Variants in PCDHGB2 observed in about 807,000 individuals in gnomAD.
PCDHGB2 encodes protocadherin gamma-B2.
In PCDHGB2, 55 loss-of-function variants were observed where a neutral mutation model predicts 59.3. The observed-to-expected ratio is 0.93, with a 90% CI of 0.75 to 1.16. The LOEUF (loss-of-function observed/expected upper bound fraction) is 1.16, where lower values mean the gene tolerates loss of function less well. Among genes scored for constraint, PCDHGB2 ranks in the 50% most tolerant of loss-of-function variants. The pLI is 0.00. For missense variants in PCDHGB2, 1,228 were observed against 1,198.5 expected (o/e 1.02, Z -0.36); for synonymous variants, 516 against 512.0 (o/e 1.01, Z -0.11).
At chr5:141,389,823 G>C in intron 1 of PCDHGB2, 11 of 1,613,944 alleles carry the variant, frequency 6.8e-6, no homozygotes, top group Non-Finnish European at 6.8e-6. Flanking sequence ...CGTGCGTGAC[G>C]GTGGACAGCC....
intron 1 of PCDHGB2, among the ~76,000 whole-genome samples, chr5:141,482,866 G>A (rs768388750): frequency 2.7e-5 from 4 of 150,296 alleles, no homozygotes; most frequent in Non-Finnish European, 4.4e-5. Flanking sequence ...GAGGTCAGGA[G>A]TTTGAAACCA....
chr5:141,388,458 C>T, intron 1 of PCDHGB2: 1 of 1,613,696 alleles, frequency 6.2e-7, no homozygotes, highest in Non-Finnish European at 8.5e-7. Context: ...CAGTAAATAC[C>T]CTGAGATGGT....
intron 1 of PCDHGB2, among the ~76,000 whole-genome samples, chr5:141,452,054 C>A (rs578157525): frequency 6.4e-4 from 97 of 152,196 alleles, no homozygotes; most frequent in African/African-American, 2.2e-3. Flanking sequence ...TTTGTAATAA[C>A]TTATTCTACT....
At chr5:141,395,009 G>A (rs371216255) in intron 1 of PCDHGB2, 168 of 1,613,918 alleles carry the variant, frequency 1.0e-4, no homozygotes, top group Non-Finnish European at 1.4e-4. Flanking sequence ...GTGGCAGATT[G>A]GTAGGCGTGC....
chr5:141,419,730 G>A (rs747960969), intron 1 of PCDHGB2: 9 of 1,613,746 alleles, frequency 5.6e-6, no homozygotes, highest in Non-Finnish European at 7.6e-6. Context: ...CTGCGAACAG[G>A]CGAGGTGCGC....
At chr5:141,496,588 C>T (rs775641672) in intron 2 of PCDHGB2, among the ~76,000 whole-genome samples, 9 of 152,280 alleles carry the variant, frequency 5.9e-5, no homozygotes, top group Non-Finnish European at 1.0e-4. Context: ...GAACGCAAAG[C>T]GCTTCTTAGA....
At chr5:141,509,670 T>G (rs2099877782) in intron 3 of PCDHGB2, among the ~76,000 whole-genome samples, 1 of 152,136 alleles carries the variant, frequency 6.6e-6, no homozygotes, top group African/African-American at 2.4e-5. Flanking sequence ...TGGGCCCCAG[T>G]TTCTTCTTCT....
chr5:141,370,699 G>T, intron 1 of PCDHGB2: 3 of 1,613,804 alleles, frequency 1.9e-6, no homozygotes, highest in Non-Finnish European at 2.5e-6. Context: ...AAGTCGACGT[G>T]TGTTCTGGAA....
rs919375073 is a variant in PCDHGB2 at position 141,490,642 on chromosome 5, C to A, written c.2422-4165C>A. On this transcript the variant is annotated intron_variant, in intron 1 of 3. Coordinates refer to ENST00000522605, the MANE Select transcript of PCDHGB2 (RefSeq NM_018923.3). This position sits in a 1 kb window ranked among gnomAD's most constrained non-coding sequence, Gnocchi z 5.4. ...CACTGCTTACATCCTAGAAAACCGG[C>A]CTCCGGGCTCCCTTCTTTGCACTGT... 4.3e-6 allele frequency: 7 copies of A among 1,614,102 alleles called. No individual in the cohort carries two copies. In the African/African-American group the frequency reaches 6.7e-5, roughly 15 times the overall value.
At position 141,487,289 on chromosome 5, in the gene PCDHGB2, G is replaced by T; in HGVS notation, c.2422-7518G>T. 6.2e-7 allele frequency: 1 copy of T among 1,614,096 alleles called. No individual in the cohort carries two copies. The highest frequency in any genetic ancestry group is 8.5e-7 in the Non-Finnish European group (1 of 1,180,024). On this transcript the variant is annotated intron_variant, in intron 1 of 3. Coordinates refer to ENST00000522605, the MANE Select transcript of PCDHGB2 (RefSeq NM_018923.3). The surrounding 1 kb of genome is among the most constrained non-coding windows in gnomAD (Gnocchi z 5.0). Reference sequence around the variant, plus strand: ...AGTGGCAATTTGCTTTGTCTCCTTTGGCTCATTCGTGGCACTACTCTCTAA... The same window carrying T: ...AGTGGCAATTTGCTTTGTCTCCTTTTGCTCATTCGTGGCACTACTCTCTAA...
chr5:141,470,855 G>A (rs2099242095), intron 1 of PCDHGB2, among the ~76,000 whole-genome samples: 3 of 151,856 alleles, frequency 2.0e-5, no homozygotes, highest in Admixed American at 2.0e-4. Context: ...GCTCAGATAA[G>A]TTTTTTGTTT....
Position 141,432,099 on chromosome 5 carries a change from A to G in PCDHGB2, c.2422-62708A>G. On this transcript the variant is annotated intron_variant, in intron 1 of 3. Transcript: ENST00000522605. This position sits in a 1 kb window ranked among gnomAD's most constrained non-coding sequence, Gnocchi z 6.0. ...TCGCTGAACGTGGCAGACACCAACG[A>G]CAACCCGCCGGTCTTCCCTCAGGCC... 6.2e-7 allele frequency: 1 copy of G among 1,614,102 alleles called. No homozygotes were observed. The highest frequency in any genetic ancestry group is 1.1e-5 in the South Asian group (1 of 91,070).
At chr5:141,376,281 C>G in intron 1 of PCDHGB2, 2 of 1,614,216 alleles carry the variant, frequency 1.2e-6, no homozygotes, top group Admixed American at 1.7e-5. Flanking sequence ...GGTGGCTTAG[C>G]GAGCATGCCC....
At chr5:141,365,966 G>A (rs781156882) in intron 1 of PCDHGB2, 24 of 1,614,222 alleles carry the variant, frequency 1.5e-5, no homozygotes, top group Non-Finnish European at 2.0e-5. Flanking sequence ...TAGCAGCAAC[G>A]TGTCGCTGAG....
At chr5:141,376,066 C>A in intron 1 of PCDHGB2, 1 of 1,613,396 alleles carries the variant, frequency 6.2e-7, no homozygotes, top group Non-Finnish European at 8.5e-7. Flanking sequence ...TCACGCTCAC[C>A]GTGGCCGTGG....
Position 141,431,634 on chromosome 5 carries a change from T to C in PCDHGB2, c.2422-63173T>C. 2.5e-6 allele frequency: 4 copies of C among 1,614,238 alleles called. No homozygotes were observed. Among genetic ancestry groups the C allele is most frequent in the Non-Finnish European group, 3.4e-6 (4 of 1,180,044 alleles). ...GTGGACGACAAGGCGGCCCAAGTTTTCAAACTAGATTGTAATTCAGGGACA... is the reference window on the plus strand; with the variant it reads ...GTGGACGACAAGGCGGCCCAAGTTTCCAAACTAGATTGTAATTCAGGGACA... On this transcript the variant is annotated intron_variant, in intron 1 of 3. Coordinates refer to ENST00000522605, the MANE Select transcript of PCDHGB2 (RefSeq NM_018923.3). The surrounding 1 kb of genome is among the most constrained non-coding windows in gnomAD (Gnocchi z 4.8).
At chr5:141,496,289 G>A (rs1347634489) in intron 2 of PCDHGB2, among the ~76,000 whole-genome samples, 3 of 152,224 alleles carry the variant, frequency 2.0e-5, no homozygotes, top group Non-Finnish European at 4.4e-5. Flanking sequence ...GGTCTGAGCA[G>A]AGTGGGATAG....
intron 1 of PCDHGB2, chr5:141,404,124 C>G: frequency 1.2e-6 from 2 of 1,613,272 alleles, no homozygotes; most frequent in Non-Finnish European, 1.7e-6. Flanking sequence ...GAGAATCTAT[C>G]TTTTACATTA....
chr5:141,375,151 T>G, intron 1 of PCDHGB2: 2 of 1,613,962 alleles, frequency 1.2e-6, no homozygotes, highest in Non-Finnish European at 1.7e-6. Context: ...GCAGAACAAT[T>G]GCTGAAAGTG....
Sources: gnomAD v4.1 joint callset for allele counts (sites outside exome capture counted in the v4.1 genomes callset) on GRCh38, gnomAD v4.1.1 for gene constraint, Gnocchi (gnomAD v3.1) non-coding constraint, MANE v1.5 for transcripts, NCBI Gene and HGNC (gene_info 2026-07-23, HGNC 2026-07-21) for gene names.